Variants in RFX6 observed in about 807,000 individuals in gnomAD.
RFX6 encodes the protein DNA-binding protein RFX6.
RFX6 carries 50 observed loss-of-function variants against 110.8 expected under a neutral mutation model. The ratio of observed to expected loss-of-function variants is 0.45; its 90% confidence interval spans 0.36 to 0.57. The LOEUF is 0.57. Among genes scored for constraint, RFX6 ranks in the 20% least tolerant of loss-of-function variants. RFX6 has a pLI of 0.00. For synonymous variants in RFX6, 383 were observed against 411.2 expected (o/e 0.93, Z 0.83); for missense variants, 990 against 1,127.0 (o/e 0.88, Z 1.74).
intron 4 of RFX6, among the ~76,000 whole-genome samples, chr6:116,890,797 A>G (rs1404285344): frequency 4.6e-5 from 7 of 152,176 alleles, no homozygotes; most frequent in Admixed American, 2.6e-4. Flanking sequence ...TTGAGTATAT[A>G]TAAAATAGTT....
At chr6:116,924,944 T>C (rs1005747846) in intron 15 of RFX6, among the ~76,000 whole-genome samples, 153 bp downstream of exon 15, 15 of 152,218 alleles carry the variant, frequency 9.9e-5, no homozygotes, top group African/African-American at 2.9e-4. Flanking sequence ...GTCACACTAT[T>C]GGAGCACTAC....
intron 6 of RFX6, among the ~76,000 whole-genome samples, chr6:116,905,218 G>C (rs1775171692): frequency 1.3e-5 from 2 of 152,076 alleles, no homozygotes; most frequent in African/African-American, 4.8e-5. Context: ...GTGTGTTTTT[G>C]TGTTTATAGT....
intron 16 of RFX6, 45 bp downstream of exon 16, chr6:116,925,704 G>T: frequency 7.4e-7 from 1 of 1,359,576 alleles, no homozygotes; most frequent in Non-Finnish European, 1.0e-6. Context: ...TCTCAGAGAA[G>T]CCTGTTGCTT....
At chr6:116,880,993 T>C (rs1281618682) in intron 3 of RFX6, among the ~76,000 whole-genome samples, 1 of 152,050 alleles carries the variant, frequency 6.6e-6, no homozygotes, top group Non-Finnish European at 1.5e-5. Flanking sequence ...GACAAGTCTC[T>C]TGCTAATGCA....
At chr6:116,885,258 G>A (rs1774675446) in intron 4 of RFX6, among the ~76,000 whole-genome samples, 1 of 152,166 alleles carries the variant, frequency 6.6e-6, no homozygotes, top group Non-Finnish European at 1.5e-5. Context: ...CCAGTAAAGT[G>A]GGTATACAAT....
At chr6:116,917,159 G>A (rs1270598230) in intron 9 of RFX6, among the ~76,000 whole-genome samples, 1 of 152,046 alleles carries the variant, frequency 6.6e-6, no homozygotes, top group Non-Finnish European at 1.5e-5. Flanking sequence ...AAGTCCAGAA[G>A]CCCCTAAGCA....
In RFX6 at chr6:116,920,338, A is replaced by G. The variant is rs1432713457; in HGVS notation, c.1211A>G (p.His404Arg). 1 of 1,612,260 alleles carries G rather than the reference A, an allele frequency of 6.2e-7. No homozygotes were observed. The highest frequency in any genetic ancestry group is 8.5e-7 in the Non-Finnish European group (1 of 1,178,304). Reference sequence around the variant, plus strand: ...GCCAGACCAGCTCTCTTTGACCAGCATGTCGTTAATTCTATGGTGTCTGAT... The same window carrying G: ...GCCAGACCAGCTCTCTTTGACCAGCGTGTCGTTAATTCTATGGTGTCTGAT... ...QIARPALFDQ[H>R]VVNSMVSDIE... Residue 404 changes from histidine to arginine, a missense_variant, in exon 12 of 19, where the codon CAT becomes CGT. Coordinates refer to ENST00000332958, the MANE Select transcript of RFX6 (RefSeq NM_173560.4).
chr6:116,906,502 C>G (rs1051639609), intron 6 of RFX6, among the ~76,000 whole-genome samples: 7 of 151,762 alleles, frequency 4.6e-5, no homozygotes, highest in Non-Finnish European at 8.8e-5. Context: ...CATAGAATGT[C>G]TTTTTATTTA....
At chr6:116,906,234 C>G (rs1421822682) in intron 6 of RFX6, among the ~76,000 whole-genome samples, 1 of 152,166 alleles carries the variant, frequency 6.6e-6, no homozygotes, top group African/African-American at 2.4e-5. Context: ...GTTTATGTGT[C>G]TGTCTTCATG....
At chr6:116,902,899 A>G (rs190361610) in intron 6 of RFX6, among the ~76,000 whole-genome samples, 7 of 152,136 alleles carry the variant, frequency 4.6e-5, no homozygotes, top group Non-Finnish European at 7.4e-5. Flanking sequence ...ATCTTTCCTC[A>G]TAAATCAGAC....
chr6:116,911,588 A>C (rs1347018461), intron 7 of RFX6, among the ~76,000 whole-genome samples: 1 of 152,206 alleles, frequency 6.6e-6, no homozygotes, highest in Middle Eastern at 3.2e-3. Flanking sequence ...AATAATTCTC[A>C]ATATGACTTT....
At chr6:116,907,987 T>G (rs1246372752) in intron 6 of RFX6, among the ~76,000 whole-genome samples, 2 of 152,144 alleles carry the variant, frequency 1.3e-5, no homozygotes, top group African/African-American at 4.8e-5. Flanking sequence ...TTTTGCCTAA[T>G]CAAAATTTTG....
intron 6 of RFX6, among the ~76,000 whole-genome samples, chr6:116,908,225 C>G (rs1174297360): frequency 6.6e-6 from 1 of 152,068 alleles, no homozygotes; most frequent in Non-Finnish European, 1.5e-5. Context: ...TTTTTTATCT[C>G]CCATATACGA....
intron 1 of RFX6, 128 bp from the exon 2 acceptor site, chr6:116,877,668 T>C: frequency 9.2e-7 from 1 of 1,082,002 alleles, no homozygotes. Context: ...ACATTTTGCA[T>C]AGCCCCCCTT....
chr6:116,931,360 T>A lies in RFX6; in HGVS notation c.2641T>A (p.Ser881Thr). 1 of 1,613,362 alleles carries A rather than the reference T, an allele frequency of 6.2e-7. No homozygotes were observed. Among genetic ancestry groups the A allele is most frequent in the Non-Finnish European group, 8.5e-7 (1 of 1,179,326 alleles). ...ASSLQTPIPSSSSQCMYGTSN... is the reference protein window; with the variant it reads ...ASSLQTPIPSTSSQCMYGTSN... The stretch of plus-strand genomic sequence containing the variant: ...CAGTTTGCAAACCCCAATTCCTTCT[T>A]CCTCATCCCAATGTATGTATGGAAC... The change falls in exon 19 of 19, where the codon TCC (serine) becomes ACC (threonine). Residue 881 changes from serine to threonine, a missense_variant. Physicochemically the swap from Ser to Thr is moderately conservative, Grantham distance 58. This residue lies in a region of RFX6 where 438 missense variants were observed against 441.9 expected (regional missense o/e 0.99). Coordinates refer to ENST00000332958, the MANE Select transcript of RFX6 (RefSeq NM_173560.4).
intron 6 of RFX6, 46 bp downstream of exon 6, chr6:116,895,253 T>TTAC (rs776397357): frequency 9.5e-7 from 1 of 1,056,286 alleles, no homozygotes; most frequent in East Asian, 2.4e-5. Flanking sequence ...ATAATATGTC[T>TTAC]TACAAGCTGA....
intron 6 of RFX6, among the ~76,000 whole-genome samples, chr6:116,902,277 G>C (rs1275861198): frequency 6.6e-6 from 1 of 151,928 alleles, no homozygotes; most frequent in Admixed American, 6.6e-5. Context: ...AATGTCTCAT[G>C]TCTTAATCAG....
chr6:116,877,645 A>G, intron 1 of RFX6, 147 bp downstream of exon 1: 1 of 1,049,790 alleles, frequency 9.5e-7, no homozygotes, highest in Non-Finnish European at 1.4e-6. Flanking sequence ...GTAAAATGTC[A>G]AGTAGAGACC....
intron 18 of RFX6, 44 bp downstream of exon 18, chr6:116,929,015 T>G: frequency 8.0e-7 from 1 of 1,243,928 alleles, no homozygotes. Context: ...AAGAAGTTGT[T>G]AACCTCAGGT....
Sources: gnomAD v4.1 joint callset for allele counts (sites outside exome capture counted in the v4.1 genomes callset) on GRCh38, gnomAD v4.1.1 for gene constraint, gnomAD v4.1.1 regional missense constraint, MANE v1.5 for transcripts, NCBI Gene and HGNC (gene_info 2026-07-23, HGNC 2026-07-21) for gene names.